XRN1: variants seen among roughly 807,000 people sequenced by gnomAD.
XRN1 encodes the protein 5'-3' exoribonuclease 1, also known as strand-exchange protein 1 homolog.
Under a neutral mutation model 222.3 loss-of-function variants are expected in XRN1, and 67 were observed. The ratio of observed to expected loss-of-function variants is 0.30; its 90% CI spans 0.25 to 0.37. The LOEUF (loss-of-function observed/expected upper bound fraction) is 0.37, where lower values mean the gene tolerates loss of function less well. Ranked by LOEUF, XRN1 falls within the 10% of genes least tolerant of loss-of-function variation. The pLI, the probability that XRN1 is intolerant of heterozygous loss-of-function variation, is 1.00. For missense variants in XRN1, 1,707 were observed against 2,000.2 expected, an observed-to-expected ratio of 0.85 and a Z score of 2.80; for synonymous variants, 643 against 652.4, an observed-to-expected ratio of 0.99 and a Z score of 0.22.
In XRN1 at chr3:142,374,378, C is replaced by T. The variant is rs573198739; in HGVS notation, c.2978+1420G>A. 2.6e-5 allele frequency among the ~76,000 whole-genome samples: 4 copies of T among 152,168 alleles called. No individual in the cohort carries two copies. The East Asian group carries it at 7.8e-4, about 30-fold the overall frequency. On this transcript the variant is annotated intron_variant, in intron 25 of 40. Coordinates refer to ENST00000392981, the MANE Select transcript of XRN1 (RefSeq NM_001282857.2). ...CTGAGCAATCACCTGATCTGTCTGA[C>T]CATAGTGTAAACAGCTATGACACAG...
chr3:142,355,253 T>TC (rs1553725018), intron 32 of XRN1, 148 bp downstream of exon 32: 5 of 407,568 alleles, frequency 1.2e-5, no homozygotes, highest in Non-Finnish European at 2.1e-5. Context: ...TGAAATTATT[T>TC]AAAAAAAGAA....
chr3:142,324,924 G>GTA (rs1457800751), intron 37 of XRN1, among the ~76,000 whole-genome samples: 17 of 151,996 alleles, frequency 1.1e-4, no homozygotes, highest in Admixed American at 2.0e-4. Context: ...TGAGAAGTGT[G>GTA]TATATATATA....
intron 27 of XRN1, among the ~76,000 whole-genome samples, chr3:142,368,734 A>G (rs2066894752): frequency 6.6e-6 from 1 of 152,216 alleles, no homozygotes; most frequent in African/African-American, 2.4e-5. Flanking sequence ...TCAAAAATTA[A>G]ACTCTTGGCT....
chr3:142,422,559 A>C (rs1030247466), intron 8 of XRN1, 23 bp downstream of exon 8: 1 of 1,607,660 alleles, frequency 6.2e-7, no homozygotes, highest in African/African-American at 1.3e-5. Flanking sequence ...AGTATCCTCG[A>C]GAGATTATTA....
intron 20 of XRN1, among the ~76,000 whole-genome samples, chr3:142,388,530 GC>G (rs2067594575): frequency 6.6e-6 from 1 of 152,154 alleles, no homozygotes; most frequent in South Asian, 2.1e-4. Context: ...GCTCAAAAAT[GC>G]TAACAGTAGG....
chr3:142,336,032 G>C (rs553244164), intron 33 of XRN1, among the ~76,000 whole-genome samples: 1 of 152,266 alleles, frequency 6.6e-6, no homozygotes, highest in African/African-American at 2.4e-5. Context: ...TAGAAGAATA[G>C]TACAAGACCA....
chr3:142,359,961 C>G (rs1384818911), intron 29 of XRN1, 30 bp from the exon 30 acceptor site: 2 of 1,482,814 alleles, frequency 1.3e-6, no homozygotes, highest in Non-Finnish European at 1.8e-6. Flanking sequence ...AAAAGAGACA[C>G]TAAAAAATCA....
chr3:142,401,442 C>T (rs564112672), intron 18 of XRN1, among the ~76,000 whole-genome samples: 2 of 152,242 alleles, frequency 1.3e-5, no homozygotes, highest in African/African-American at 4.8e-5. Context: ...AGGCTGGGCG[C>T]TGTGGCTCAC....
intron 38 of XRN1, 23 bp from the exon 39 acceptor site, chr3:142,318,717 C>T (rs971271145): frequency 5.0e-6 from 8 of 1,609,536 alleles, no homozygotes; most frequent in Non-Finnish European, 6.8e-6. Context: ...TTAAAAGTTA[C>T]AAGACAATGC....
intron 29 of XRN1, 29 bp from the exon 30 acceptor site, chr3:142,359,960 AC>A: frequency 6.7e-7 from 1 of 1,492,762 alleles, no homozygotes; most frequent in Middle Eastern, 1.8e-4. Context: ...AAAAAGAGAC[AC>A]TAAAAAATCA....
intron 36 of XRN1, among the ~76,000 whole-genome samples, chr3:142,332,110 T>A (rs2065715682): frequency 6.6e-6 from 1 of 152,006 alleles, no homozygotes; most frequent in African/African-American, 2.4e-5. Flanking sequence ...ATATAAAAAT[T>A]ATAGTTTTAA....
chr3:142,441,509 C>A (rs1242719937), intron 1 of XRN1, among the ~76,000 whole-genome samples: 2 of 152,202 alleles, frequency 1.3e-5, no homozygotes, highest in African/African-American at 4.8e-5. Flanking sequence ...CGTGGCATAC[C>A]TGAGTAAGAA....
intron 32 of XRN1, 105 bp from the exon 33 acceptor site, chr3:142,347,447 T>A: frequency 2.7e-6 from 2 of 750,412 alleles, no homozygotes; most frequent in Non-Finnish European, 3.9e-6. Flanking sequence ...TATAGTTCCT[T>A]AGAAAAAAAC....
chr3:142,411,133 A>G (rs1273997054), intron 15 of XRN1, among the ~76,000 whole-genome samples: 1 of 152,218 alleles, frequency 6.6e-6, no homozygotes, highest in Non-Finnish European at 1.5e-5. Flanking sequence ...AAGTTTGACC[A>G]TAACATTCCT....
chr3:142,389,887 T>A (rs1188730534), intron 20 of XRN1, among the ~76,000 whole-genome samples: 1 of 152,226 alleles, frequency 6.6e-6, no homozygotes, highest in Non-Finnish European at 1.5e-5. Context: ...GGTTGCAGAA[T>A]GGATGTTGTG....
chr3:142,375,812 T>C lies in XRN1; in HGVS notation c.2964A>G (p.Ala988=). The C allele has an allele frequency of 1.2e-6, 2 of 1,613,606 alleles. No individual in the cohort carries two copies. Among genetic ancestry groups the C allele is most frequent in the South Asian group, 1.1e-5 (1 of 91,030 alleles). Residue 988 remains alanine, a synonymous_variant, in exon 25 of 41, where the codon GCA becomes GCG. Transcript: ENST00000392981. Reference sequence around the variant, plus strand: ...TATGTACTTACCTCTCTAAGTACTCTGCCAGAAGTTGTTCTGCTGCAGATG... The same window carrying C: ...TATGTACTTACCTCTCTAAGTACTCCGCCAGAAGTTGTTCTGCTGCAGATG... ...MYSSAAEQLL[A]EYLERAPELF... is the part of the protein sequence containing the mutation.
At chr3:142,318,961 C>A in intron 37 of XRN1, 58 bp from the exon 38 acceptor site, 1 of 1,404,508 alleles carries the variant, frequency 7.1e-7, no homozygotes, top group South Asian at 1.3e-5. Context: ...TTGACCTCTC[C>A]CAAAGTTTAG....
chr3:142,424,110 T>A (rs1388450873), intron 5 of XRN1, among the ~76,000 whole-genome samples: 1 of 152,162 alleles, frequency 6.6e-6, no homozygotes, highest in Non-Finnish European at 1.5e-5. Flanking sequence ...TATCTTTTTT[T>A]TTTGAGACAG....
At chr3:142,405,956 T>C (rs1046435058) in intron 15 of XRN1, among the ~76,000 whole-genome samples, 1 of 151,800 alleles carries the variant, frequency 6.6e-6, no homozygotes, top group Non-Finnish European at 1.5e-5. Context: ...ATTTTTTAAG[T>C]AAAAGATAAT....
Sources: allele counts gnomAD v4.1 joint callset (sites outside exome capture counted in the v4.1 genomes callset), GRCh38; gene constraint gnomAD v4.1.1; transcripts MANE v1.5; gene names NCBI Gene and HGNC (gene_info 2026-07-23, HGNC 2026-07-21).